AXL: variants seen among roughly 807,000 people sequenced by gnomAD.
The protein encoded by AXL is tyrosine-protein kinase receptor UFO.
In AXL, 52 loss-of-function variants were observed where a neutral mutation model predicts 104.5. That is an observed-to-expected ratio of 0.50 (90% CI 0.40 to 0.63). The LOEUF (loss-of-function observed/expected upper bound fraction) is 0.63, where lower values mean the gene tolerates loss of function less well. AXL is among the 20% of genes least tolerant of loss of function. The pLI is 0.00. For missense variants in AXL, 1,024 were observed against 1,188.5 expected, an observed-to-expected ratio of 0.86 and a Z score of 2.04; for synonymous variants, 455 against 473.7, an observed-to-expected ratio of 0.96 and a Z score of 0.51.
intron 12 of AXL, among the ~76,000 whole-genome samples, chr19:41,246,377 G>A (rs934492726): frequency 3.3e-5 from 5 of 151,888 alleles, no homozygotes; most frequent in African/African-American, 1.2e-4. Context: ...AACCCGGGAG[G>A]CGGATGTTGC....
intron 4 of AXL, among the ~76,000 whole-genome samples, chr19:41,223,123 C>T (rs1465492830): frequency 6.6e-6 from 1 of 151,228 alleles, no homozygotes; most frequent in African/African-American, 2.4e-5. Context: ...GACAAAACTC[C>T]ATCTTTACCA....
At chr19:41,252,519 C>T in intron 15 of AXL, 76 bp downstream of exon 15, 1 of 1,521,998 alleles carries the variant, frequency 6.6e-7, no homozygotes, top group Middle Eastern at 1.8e-4. Context: ...TGCTTCTGGC[C>T]CTGGGAAGAT....
chr19:41,254,376 C>CAAAAAAAAAAA (rs34633761), intron 17 of AXL, among the ~76,000 whole-genome samples: 1 of 81,162 alleles, frequency 1.2e-5, no homozygotes, highest in South Asian at 4.5e-4. Context: ...GACTCTGTCT[C>CAAAAAAAAAAA]AAAAAAAAAA....
chr19:41,228,921 A>AT (rs1174040209), intron 4 of AXL, among the ~76,000 whole-genome samples: 2 of 150,946 alleles, frequency 1.3e-5, no homozygotes, highest in Admixed American at 6.6e-5. Context: ...ATTTTATTGT[A>AT]TTTTTTCTTT....
intron 6 of AXL, among the ~76,000 whole-genome samples, chr19:41,232,520 G>A (rs1332092097): frequency 1.3e-5 from 2 of 152,094 alleles, no homozygotes; most frequent in Non-Finnish European, 2.9e-5. Flanking sequence ...CTACTCAGGA[G>A]GCTGAGGCAG....
chr19:41,240,097 G>A (rs2034155792), intron 10 of AXL, among the ~76,000 whole-genome samples: 1 of 152,022 alleles, frequency 6.6e-6, no homozygotes, highest in South Asian at 2.1e-4. Context: ...ATGGATGGAT[G>A]GGTGGATATA....
Position 41,220,602 on chromosome 19 carries a change from G to A in AXL, c.86-34G>A, listed in dbSNP as rs1038987686. 10 of 1,530,742 alleles carry A rather than the reference G, an allele frequency of 6.5e-6. No individual in the cohort carries two copies. In the African/African-American group the frequency reaches 9.7e-5, roughly 15 times the overall value. The allele number at this position is 1,530,742 out of a possible 1,614,324, so 94.8% of individuals were successfully genotyped here. A position where few individuals can be genotyped will look rare whatever the true frequency, so the allele number is the denominator to read the frequency against. ...ACTGAGGGCCGGAAGGAGCTGGGGG[G>A]TTCCTAAGCTAACTCTTCCCATCTC... On this transcript the variant is annotated intron_variant, in intron 1 of 19. Transcript: ENST00000301178.
chr19:41,228,926 TTC>T (rs1321047080), intron 4 of AXL, among the ~76,000 whole-genome samples: 1 of 150,096 alleles, frequency 6.7e-6, no homozygotes, highest in Non-Finnish European at 1.5e-5. Context: ...ATTGTATTTT[TTC>T]TTTCTTTCTT....
At chr19:41,222,358 C>T (rs1459056554) in intron 4 of AXL, among the ~76,000 whole-genome samples, 1 of 152,190 alleles carries the variant, frequency 6.6e-6, no homozygotes, top group Non-Finnish European at 1.5e-5. Context: ...CCCGGCCTCT[C>T]TCTGAATAGA....
intron 6 of AXL, among the ~76,000 whole-genome samples, chr19:41,233,977 G>A (rs1008491564): frequency 5.3e-5 from 8 of 152,058 alleles, no homozygotes; most frequent in African/African-American, 9.7e-5. Flanking sequence ...AGAGAAGTGG[G>A]AGCAGGCATG....
At chr19:41,222,095 CG>C (rs1321869284) in intron 4 of AXL, 39 bp downstream of exon 4, 1 of 1,474,066 alleles carries the variant, frequency 6.8e-7, no homozygotes, top group African/African-American at 1.4e-5. Flanking sequence ...AATAGGGGGC[CG>C]GGCAGGGCTG....
chr19:41,259,515 C>T, intron 19 of AXL, 38 bp from the exon 20 acceptor site: 2 of 1,538,024 alleles, frequency 1.3e-6, no homozygotes, highest in Non-Finnish European at 1.8e-6. Context: ...CCTTCTGAGT[C>T]CCTGCTCAAT....
At position 41,220,672 on chromosome 19, in the gene AXL, C is replaced by G. The variant is rs749268016; in HGVS notation, c.122C>G (p.Pro41Arg). Residue 41 changes from proline to arginine, a missense_variant, in exon 2 of 20, where the codon CCA (proline) becomes CGA (arginine). Coordinates refer to ENST00000301178, the MANE Select transcript of AXL (RefSeq NM_021913.5). ...QAEESPFVGN[P>R]GNITGARGLT... Reference sequence around the variant, plus strand: ...GAAGAAAGTCCCTTCGTGGGCAACCCAGGGAATATCACAGGTGCCCGGGGA... The same window carrying G: ...GAAGAAAGTCCCTTCGTGGGCAACCGAGGGAATATCACAGGTGCCCGGGGA... 2 of 1,605,846 alleles carry G rather than the reference C, an allele frequency of 1.2e-6. No homozygotes were observed. Among genetic ancestry groups the G allele is most frequent in the South Asian group, 2.2e-5 (2 of 89,682 alleles).
chr19:41,256,507 T>C lies in AXL; in HGVS notation c.2092T>C (p.Tyr698His). The C allele has an allele frequency of 1.2e-6, 2 of 1,614,164 alleles. No homozygotes were observed. Among genetic ancestry groups the C allele is most frequent in the Non-Finnish European group, 1.7e-6 (2 of 1,180,028 alleles). The change falls in exon 18 of 20, where the codon TAC (tyrosine) becomes CAC (histidine). Residue 698 changes from tyrosine to histidine, a missense_variant. Transcript: ENST00000301178. The part of the protein sequence containing the change: ...VADFGLSKKI[Y>H]NGDYYRQGRI... ...GGACTTCGGGCTCTCCAAGAAGATC[T>C]ACAATGGGGACTACTACCGCCAGGG... is the stretch of plus-strand genomic sequence containing the variant.
At chr19:41,228,027 T>C (rs555778096) in intron 4 of AXL, among the ~76,000 whole-genome samples, 1 of 152,268 alleles carries the variant, frequency 6.6e-6, no homozygotes, top group East Asian at 1.9e-4. Context: ...GAATTTTCCA[T>C]TGAAATATTT....
chr19:41,254,488 C>A (rs2034422747), intron 17 of AXL, among the ~76,000 whole-genome samples: 1 of 151,304 alleles, frequency 6.6e-6, no homozygotes, highest in Admixed American at 6.6e-5. Flanking sequence ...AGCCTCGAGA[C>A]CAGCCTGGGT....
intron 6 of AXL, among the ~76,000 whole-genome samples, chr19:41,236,652 G>T (rs563157994): frequency 6.6e-6 from 1 of 150,544 alleles, no homozygotes; most frequent in Non-Finnish European, 1.5e-5. Flanking sequence ...GTGGTGGTAC[G>T]CGTAGTCCCA....
chr19:41,219,273 G>A lies in AXL; in HGVS notation c.-120G>A. 1.0e-6 allele frequency: 1 copy of A among 958,272 alleles called. No individual in the cohort carries two copies. Among genetic ancestry groups the A allele is most frequent in the Non-Finnish European group, 1.5e-6 (1 of 650,410 alleles). 59.4% of individuals were successfully genotyped at this position (958,272 alleles called of 1,614,324 possible). A position where few individuals can be genotyped will look rare whatever the true frequency, so the allele number is the denominator to read the frequency against. Reference sequence around the variant, plus strand: ...GGTGGCAAGGGCCTCCCCTGCCGCTGTGCCAGGCAGGCAGTGCCAAATCCG... The same window carrying A: ...GGTGGCAAGGGCCTCCCCTGCCGCTATGCCAGGCAGGCAGTGCCAAATCCG... On this transcript the variant is annotated 5_prime_UTR_variant, in exon 1 of 20. It adds an upstream start codon to the 5' untranslated region. Coordinates refer to ENST00000301178, the MANE Select transcript of AXL (RefSeq NM_021913.5).
intron 4 of AXL, chr19:41,226,943 A>G (rs967674412): frequency 5.6e-6 from 2 of 355,172 alleles, no homozygotes; most frequent in African/African-American, 4.5e-5. Context: ...ACAAAAAAAA[A>G]TTGAAAAGTT....
Sources: gnomAD v4.1 joint callset for allele counts (sites outside exome capture counted in the v4.1 genomes callset) on GRCh38, gnomAD v4.1.1 for gene constraint, MANE v1.5 for transcripts, NCBI Gene and HGNC (gene_info 2026-07-23, HGNC 2026-07-21) for gene names.